POLR2G: variants seen among roughly 807,000 people sequenced by gnomAD.
POLR2G encodes the protein RNA polymerase II subunit G, also known as DNA-directed RNA polymerase II subunit RPB7.
Under a neutral mutation model 25.7 loss-of-function variants are expected in POLR2G, and 19 were observed. That is an observed-to-expected ratio of 0.74 (90% CI 0.52 to 1.08). The LOEUF (loss-of-function observed/expected upper bound fraction) is 1.08, where lower values mean the gene tolerates loss of function less well. Among genes scored for constraint, POLR2G ranks in the 50% least tolerant of loss-of-function variants. POLR2G has a pLI of 0.00. For missense variants in POLR2G, 123 were observed against 218.5 expected, an observed-to-expected ratio of 0.56 and a Z score of 2.76; for synonymous variants, 79 against 76.0, an observed-to-expected ratio of 1.04 and a Z score of -0.21.
At chr11:62,764,974 T>G (rs1235356071) in intron 3 of POLR2G, among the ~76,000 whole-genome samples, 1 of 151,960 alleles carries the variant, frequency 6.6e-6, no homozygotes, top group Admixed American at 6.6e-5. Flanking sequence ...TTCTCCTGCC[T>G]CAGTCTCCTG....
chr11:62,761,759 C>T lies in POLR2G; in HGVS notation c.13-36C>T, dbSNP rs746474118. On this transcript the variant is annotated intron_variant, in intron 1 of 7. Transcript: ENST00000301788. ...CCCTTGTCGTCCAATAACCTGCCAG[C>T]GCCTGGCCTGGTCGCCATCCCACTT... 1.6e-5 allele frequency: 26 copies of T among 1,606,442 alleles called. No homozygotes were observed. The South Asian group carries it at 2.5e-4, about 16-fold the overall frequency.
chr11:62,765,707 G>A lies in POLR2G; in HGVS notation c.454G>A (p.Val152Met). ...EIRLKIVGTR[V>M]DKNDIFAIGS... Reference sequence around the variant, plus strand: ...CCGCTTAAAGATTGTGGGGACCCGTGTGGACAAGAATGACATTGTGAGTCT... The same window carrying A: ...CCGCTTAAAGATTGTGGGGACCCGTATGGACAAGAATGACATTGTGAGTCT... The change falls in exon 6 of 8, where the codon GTG (valine) becomes ATG (methionine). Residue 152 changes from valine (V) to methionine (M), a missense_variant. Physicochemically the swap from Val to Met is conservative, Grantham distance 21 (BLOSUM62 1). Coordinates refer to ENST00000301788, the MANE Select transcript of POLR2G (RefSeq NM_002696.3). 1 of 1,606,226 alleles carries A rather than the reference G, an allele frequency of 6.2e-7. No individual in the cohort carries two copies. The highest frequency in any genetic ancestry group is 1.1e-5 in the South Asian group (1 of 90,948).
intron 3 of POLR2G, among the ~76,000 whole-genome samples, chr11:62,764,866 T>G (rs1327039077): frequency 7.0e-6 from 1 of 143,512 alleles, no homozygotes; most frequent in Non-Finnish European, 1.5e-5. Context: ...CACTCTTTTG[T>G]TTTTTTTTTT....
intron 2 of POLR2G, chr11:62,762,597 A>G (rs1565182491): frequency 1.8e-6 from 1 of 551,430 alleles, no homozygotes; most frequent in Non-Finnish European, 3.5e-6. Flanking sequence ...GATGATTCTC[A>G]GGCATCCCGA....
At chr11:62,763,129 CTTTTTT>C (rs149301237) in intron 3 of POLR2G, 103 bp downstream of exon 3, 15 of 275,346 alleles carry the variant, frequency 5.4e-5, no homozygotes, top group East Asian at 1.9e-4. Flanking sequence ...AGTCACTTCA[CTTTTTT>C]TTTTTTTTTT....
chr11:62,763,129 C>CTTTTT (rs149301237), intron 3 of POLR2G, 103 bp downstream of exon 3: 71 of 275,216 alleles, frequency 2.6e-4, no homozygotes, highest in Middle Eastern at 1.0e-3. Flanking sequence ...AGTCACTTCA[C>CTTTTT]TTTTTTTTTT....
At chr11:62,764,564 G>T (rs1165631144) in intron 3 of POLR2G, among the ~76,000 whole-genome samples, 1 of 152,150 alleles carries the variant, frequency 6.6e-6, no homozygotes, top group African/African-American at 2.4e-5. Flanking sequence ...GGGGGCAGAA[G>T]TGGGAAGATT....
Position 62,761,834 on chromosome 11 carries a change from T to C in POLR2G, c.52T>C (p.Phe18Leu), listed in dbSNP as rs2084090611. The change falls in exon 2 of 8, where the codon TTC becomes CTC. Residue 18 changes from phenylalanine (F) to leucine (L), a missense_variant. By Grantham distance (22) the Phe-to-Leu change is conservative. Transcript: ENST00000301788. ...EHEILLHPRY[F>L]GPNLLNTVKQ... ...CGAAATCCTGCTGCACCCGCGCTAC[T>C]TCGGCCCCAACTTGCTCAACACGGT... 2 of 1,613,908 alleles carry C rather than the reference T, an allele frequency of 1.2e-6. No homozygotes were observed. The highest frequency in any genetic ancestry group is 1.3e-5 in the African/African-American group (1 of 74,944).
chr11:62,762,523 G>A (rs1358006495), intron 2 of POLR2G: 1 of 435,976 alleles, frequency 2.3e-6, no homozygotes, highest in Non-Finnish European at 4.8e-6. Flanking sequence ...AGATTCCTGA[G>A]CCTCCTTATT....
chr11:62,762,844 C>A lies in POLR2G; in HGVS notation c.123-23C>A, dbSNP rs748069411. ...GAGGCTCTTGGACACACAGTGTCTT[C>A]CTGTTTCTCATCCTCCTTGCAGGTA... is the stretch of plus-strand genomic sequence containing the variant. On this transcript the variant is annotated intron_variant, in intron 2 of 7. Transcript: ENST00000301788. 26 of 1,558,180 alleles carry A rather than the reference C, an allele frequency of 1.7e-5. No individual in the cohort carries two copies. In the South Asian group the frequency reaches 2.9e-4, roughly 18 times the overall value.
At chr11:62,764,680 C>T (rs2084105951) in intron 3 of POLR2G, among the ~76,000 whole-genome samples, 1 of 152,018 alleles carries the variant, frequency 6.6e-6, no homozygotes, top group African/African-American at 2.4e-5. Flanking sequence ...CCTGTGGTTT[C>T]AGCAACTTGG....
Position 62,765,203 on chromosome 11 carries a change from G to A in POLR2G, c.304G>A (p.Gly102Arg). The A allele has an allele frequency of 6.2e-7, 1 of 1,613,848 alleles. No individual in the cohort carries two copies. Among genetic ancestry groups the A allele is most frequent in the Non-Finnish European group, 8.5e-7 (1 of 1,179,958 alleles). The change falls in exon 4 of 8, where the codon GGG becomes AGG. Residue 102 changes from glycine (G) to arginine (R), a missense_variant. Transcript: ENST00000301788. ...VNKVGLFTEIGPMSCFISRHS... is the reference protein window; with the variant it reads ...VNKVGLFTEIRPMSCFISRHS... ...CTAGGTTGGACTCTTCACAGAAATT[G>A]GGCCCATGTCTTGCTTCATCTCTCG...
At chr11:62,763,529 C>T (rs1370489368) in intron 3 of POLR2G, among the ~76,000 whole-genome samples, 5 of 150,782 alleles carry the variant, frequency 3.3e-5, no homozygotes, top group South Asian at 2.1e-4. Flanking sequence ...CTCCTGACCT[C>T]GTGATCCACC....
At position 62,765,647 on chromosome 11, in the gene POLR2G, C is replaced by T. The variant is rs1206579947; in HGVS notation, c.400-6C>T. The T allele has an allele frequency of 5.0e-6, 8 of 1,599,956 alleles. No individual in the cohort carries two copies. The South Asian group carries it at 7.7e-5, about 15-fold the overall frequency. On this transcript the variant is annotated splice_polypyrimidine_tract_variant and splice_region_variant and intron_variant, in intron 5 of 7. Transcript: ENST00000301788. ...GCATCTGTACACTGTTCCCTCCTCT[C>T]CTCAGGATATTGTGATTCAGCAGGA...
intron 6 of POLR2G, 100 bp from the exon 7 acceptor site, chr11:62,766,143 A>G (rs2084114926): frequency 9.8e-7 from 1 of 1,018,106 alleles, no homozygotes; most frequent in Admixed American, 1.7e-5. Flanking sequence ...CTCTTCTGCC[A>G]GGAAGAAGGG....
In POLR2G at chr11:62,765,228, G is replaced by A. The variant is rs1358200606; in HGVS notation, c.329G>A (p.Arg110Gln). The A allele has an allele frequency of 9.3e-6, 15 of 1,613,828 alleles. No homozygotes were observed. Among genetic ancestry groups the A allele is most frequent in the East Asian group, 2.2e-5 (1 of 44,874 alleles). The change falls in exon 4 of 8, where the codon CGA (arginine) becomes CAA (glutamine). Residue 110 changes from arginine to glutamine, a missense_variant. Transcript: ENST00000301788. ...GGGCCCATGTCTTGCTTCATCTCTC[G>A]ACATGTAAGTCTGGGCACACTGGGT... The part of the protein sequence containing the change: ...EIGPMSCFIS[R>Q]HSIPSEMEFD...
At chr11:62,763,896 C>T (rs889686668) in intron 3 of POLR2G, among the ~76,000 whole-genome samples, 8 of 152,128 alleles carry the variant, frequency 5.3e-5, no homozygotes, top group Middle Eastern at 3.4e-3. Context: ...CATGCGCCAC[C>T]ATGCCCAGCT....
intron 3 of POLR2G, 102 bp downstream of exon 3, chr11:62,763,128 A>AATT: frequency 9.7e-6 from 4 of 412,052 alleles, no homozygotes; most frequent in Non-Finnish European, 1.1e-5. Flanking sequence ...AAGTCACTTC[A>AATT]CTTTTTTTTT....
chr11:62,764,941 C>T (rs1296095209), intron 3 of POLR2G, among the ~76,000 whole-genome samples: 1 of 152,048 alleles, frequency 6.6e-6, no homozygotes, highest in Non-Finnish European at 1.5e-5. Flanking sequence ...TCACTGCAAC[C>T]TCCACCTCCT....
Sources: gnomAD v4.1 joint callset for allele counts (sites outside exome capture counted in the v4.1 genomes callset) on GRCh38, gnomAD v4.1.1 for gene constraint, MANE v1.5 for transcripts, NCBI Gene and HGNC (gene_info 2026-07-23, HGNC 2026-07-21) for gene names.